Variants in CTNNA2 observed in about 807,000 individuals in gnomAD.
The protein encoded by CTNNA2 is catenin alpha 2, also known as catenin alpha-2.
CTNNA2 carries 42 observed loss-of-function variants against 101.0 expected under a neutral mutation model. That is an observed-to-expected ratio of 0.42 (90% CI 0.32 to 0.54). The LOEUF (loss-of-function observed/expected upper bound fraction) is 0.54. Among genes scored for constraint, CTNNA2 ranks in the 20% least tolerant of loss-of-function variants. The pLI is 0.14. For missense variants in CTNNA2, 871 were observed against 1,223.1 expected, an observed-to-expected ratio of 0.71 and a Z score of 4.29; for synonymous variants, 450 against 456.4, an observed-to-expected ratio of 0.99 and a Z score of 0.18.
chr2:80,536,225 C>A (rs1691004687), intron 9 of CTNNA2, among the ~76,000 whole-genome samples: 1 of 152,048 alleles, frequency 6.6e-6, no homozygotes, highest in African/African-American at 2.4e-5. Context: ...CAGATGGAGA[C>A]CGCAGCACTT....
At chr2:80,048,565 G>T (rs927637437) in intron 7 of CTNNA2, among the ~76,000 whole-genome samples, 1 of 152,198 alleles carries the variant, frequency 6.6e-6, no homozygotes. Context: ...TGTATTGAGT[G>T]ACTCTTGTAT....
At chr2:80,057,172 G>GTTTTT (rs1260783289) in intron 7 of CTNNA2, among the ~76,000 whole-genome samples, 2 of 138,304 alleles carry the variant, frequency 1.4e-5, no homozygotes. Context: ...AAGTATATAA[G>GTTTTT]TTGTTTTTTT....
At chr2:80,399,850 G>A (rs1678393367) in intron 8 of CTNNA2, among the ~76,000 whole-genome samples, 1 of 152,154 alleles carries the variant, frequency 6.6e-6, no homozygotes, top group South Asian at 2.1e-4. Flanking sequence ...TTCCTAAGCA[G>A]GGAAACTTAG....
At chr2:80,224,683 A>G (rs1419489748) in intron 7 of CTNNA2, among the ~76,000 whole-genome samples, 1 of 151,936 alleles carries the variant, frequency 6.6e-6, no homozygotes, top group Non-Finnish European at 1.5e-5. Flanking sequence ...TGATCTCGTG[A>G]TCTGCTCACC....
In CTNNA2 at chr2:80,194,277, G is replaced by A. The variant is rs558654565; in HGVS notation, c.1057-198934G>A. Among the ~76,000 whole-genome samples the A allele has an allele frequency of 3.6e-3, 544 of 152,276 alleles. 1 individual carries two copies. Among genetic ancestry groups the A allele is most frequent in the African/African-American group, 0.013 (521 of 41,558 alleles). ...TCAGGAAATACTCCCTGCACATGCT[G>A]ATGCTTCAGATTAGGAGGCTTTAAG... is the stretch of plus-strand genomic sequence containing the variant. On this transcript the variant is annotated intron_variant, in intron 7 of 18. Coordinates refer to ENST00000402739, the MANE Select transcript of CTNNA2 (RefSeq NM_001282597.3).
At chr2:80,119,652 G>A (rs144485706) in intron 7 of CTNNA2, among the ~76,000 whole-genome samples, 179 of 152,206 alleles carry the variant, frequency 1.2e-3, no homozygotes, top group African/African-American at 4.1e-3. Context: ...TACTTCTATC[G>A]AGGCTTCCTG....
chr2:79,762,057 G>A (rs79221522), intron 3 of CTNNA2, among the ~76,000 whole-genome samples: 2,289 of 152,194 alleles, frequency 0.015, 61 homozygotes, highest in African/African-American at 0.052. Context: ...GGGCTTCGTC[G>A]TTAATTAGGC....
At chr2:79,617,635 T>C (rs1223236402) in intron 1 of CTNNA2, among the ~76,000 whole-genome samples, 1 of 152,218 alleles carries the variant, frequency 6.6e-6, no homozygotes, top group Admixed American at 6.5e-5. Context: ...TTTTTTCATA[T>C]TTCTGAATAT....
chr2:79,700,316 A>G (rs1039850835), intron 2 of CTNNA2, among the ~76,000 whole-genome samples: 2 of 152,140 alleles, frequency 1.3e-5, no homozygotes, highest in African/African-American at 4.8e-5. Context: ...GGGAATAGTA[A>G]GGTTTGCTAT....
At chr2:79,502,622 T>C (rs1255779062) in intron 4 of CTNNA2, among the ~76,000 whole-genome samples, 1 of 152,208 alleles carries the variant, frequency 6.6e-6, no homozygotes, top group African/African-American at 2.4e-5. Context: ...GGGGTAATAG[T>C]GGAATAATTA....
At chr2:79,844,083 C>G (rs945740787) in intron 3 of CTNNA2, among the ~76,000 whole-genome samples, 1 of 152,034 alleles carries the variant, frequency 6.6e-6, no homozygotes, top group Non-Finnish European at 1.5e-5. Context: ...CTGGCAGGTA[C>G]AAACAGTGCA....
intron 4 of CTNNA2, among the ~76,000 whole-genome samples, chr2:79,410,894 C>G (rs916538094): frequency 6.6e-6 from 1 of 152,096 alleles, no homozygotes; most frequent in South Asian, 2.1e-4. Context: ...CTTCCTTGTA[C>G]CTCTGGTAGA....
intron 7 of CTNNA2, among the ~76,000 whole-genome samples, chr2:80,129,645 G>A (rs571038722): frequency 6.6e-6 from 1 of 152,284 alleles, no homozygotes; most frequent in Non-Finnish European, 1.5e-5. Flanking sequence ...CAGATGCCAA[G>A]CTAACTGGTA....
chr2:80,393,107 A>G, intron 7 of CTNNA2, 104 bp from the exon 8 acceptor site: 1 of 806,132 alleles, frequency 1.2e-6, no homozygotes, highest in South Asian at 2.0e-5. Flanking sequence ...CTTTTTAAAA[A>G]ATTGTTTGAA....
intron 7 of CTNNA2, among the ~76,000 whole-genome samples, chr2:80,109,476 A>G (rs371105165): frequency 2.6e-5 from 4 of 152,010 alleles, no homozygotes; most frequent in African/African-American, 9.7e-5. Flanking sequence ...ACAAACAAAC[A>G]AACAAACAAA....
At chr2:79,790,627 A>G (rs141441248) in intron 3 of CTNNA2, among the ~76,000 whole-genome samples, 1 of 152,198 alleles carries the variant, frequency 6.6e-6, no homozygotes, top group Non-Finnish European at 1.5e-5. Context: ...AGGAATCAGA[A>G]TGTAAGGCCA....
chr2:80,600,448 G>A (rs548656521), intron 15 of CTNNA2, among the ~76,000 whole-genome samples: 8 of 152,038 alleles, frequency 5.3e-5, no homozygotes, highest in Non-Finnish European at 1.2e-4. Context: ...GTAATTTGCA[G>A]TATAACAAAA....
At chr2:80,613,076 G>GAAATA (rs1343802539) in intron 17 of CTNNA2, 3 of 151,142 alleles carry the variant, frequency 2.0e-5, no homozygotes, top group Admixed American at 2.0e-4. Flanking sequence ...CAAATGAAAT[G>GAAATA]AGTAGTTACC....
chr2:79,396,316 G>A (rs1678229878), intron 4 of CTNNA2, among the ~76,000 whole-genome samples: 1 of 152,090 alleles, frequency 6.6e-6, no homozygotes, highest in African/African-American at 2.4e-5. Flanking sequence ...CTGCCAACAT[G>A]CCAGGCTAAT....
Sources: gnomAD v4.1 joint callset for allele counts (sites outside exome capture counted in the v4.1 genomes callset) on GRCh38, gnomAD v4.1.1 for gene constraint, MANE v1.5 for transcripts, NCBI Gene and HGNC (gene_info 2026-07-23, HGNC 2026-07-21) for gene names.